The following STX7 variants were observed in gnomAD, a reference collection of about 807,000 sequenced individuals.
STX7 encodes syntaxin-7.
Under a neutral mutation model 39.6 loss-of-function variants are expected in STX7, and 34 were observed. The ratio of observed to expected loss-of-function variants is 0.86; its 90% CI spans 0.65 to 1.14. STX7 has a LOEUF of 1.14. Ranked by LOEUF, STX7 falls within the 50% of genes most tolerant of loss-of-function variation. The probability of loss-of-function intolerance (pLI) is 0.00; values close to 1 mark genes in which losing one functional copy is unlikely to be tolerated. For synonymous variants in STX7, 119 were observed against 99.1 expected, an observed-to-expected ratio of 1.20 and a Z score of -1.19; for missense variants, 284 against 310.4, an observed-to-expected ratio of 0.92 and a Z score of 0.64.
rs536968798 is a variant in STX7, at chr6:132,496,310, A to T, written c.85+7136T>A. Reference sequence around the variant, plus strand: ...CGAGAATTCACATTAGCACTAGTGGAAAGGCTTACTATGTTATTTAGGAGT... The same window carrying T: ...CGAGAATTCACATTAGCACTAGTGGTAAGGCTTACTATGTTATTTAGGAGT... On this transcript the variant is annotated intron_variant, in intron 2 of 9. Coordinates refer to ENST00000367941, the MANE Select transcript of STX7 (RefSeq NM_003569.3). Among the ~76,000 whole-genome samples the T allele has an allele frequency of 5.9e-5, 9 of 152,294 alleles. 1 individual carries two copies. In the South Asian group the frequency reaches 1.9e-3, roughly 32 times the overall value.
At chr6:132,461,659 T>G in intron 9 of STX7, 1 of 640,728 alleles carries the variant, frequency 1.6e-6, no homozygotes, top group Non-Finnish European at 2.6e-6. Flanking sequence ...GGAATGAGTT[T>G]CCAAAATCAT....
At position 132,460,888 on chromosome 6, in the gene STX7, GT is replaced by G. The variant is rs750112010; in HGVS notation, c.694-39del. 9.5e-6 allele frequency: 15 copies of G among 1,575,150 alleles called. No individual in the cohort carries two copies. In the South Asian group the frequency reaches 1.6e-4, roughly 16 times the overall value. ...AAAACAAAACAAAACAAAAAAACATGTTTACAGATTTAGTGGAGTACCTCTA... is the reference window on the plus strand; with the variant it reads ...AAAACAAAACAAAACAAAAAAACATGTTACAGATTTAGTGGAGTACCTCTA... On this transcript the variant is annotated intron_variant, in intron 9 of 9. Transcript: ENST00000367941.
rs1318610420 is a variant in STX7 at position 132,447,505 on chromosome 6, T to C, written c.*13253A>G. 6.6e-6 allele frequency: 1 copy of C among 152,190 alleles called. No homozygotes were observed. The highest frequency in any genetic ancestry group is 1.5e-5 in the Non-Finnish European group (1 of 68,030). The allele number at this position is 152,190 out of a possible 1,614,324, so 9.4% of individuals were successfully genotyped here. On this transcript the variant is annotated 3_prime_UTR_variant, in exon 10 of 10. Transcript: ENST00000367941. ...TTGGTTACCATGTTGTTCTATTTAC[T>C]TTTTTGCTGCTCGAGCTAAAAATTG...
chr6:132,475,118 T>C (rs2114390202), intron 3 of STX7, among the ~76,000 whole-genome samples: 1 of 151,676 alleles, frequency 6.6e-6, no homozygotes, highest in East Asian at 2.0e-4. Context: ...GGTAAGCCTA[T>C]CAAGGAATTT....
rs1479278044 is a variant in STX7, at chr6:132,449,925, C to T, written c.*10833G>A. 2.0e-5 allele frequency: 3 copies of T among 152,138 alleles called. No individual in the cohort carries two copies. The East Asian group carries it at 5.8e-4, about 29-fold the overall frequency. 9.4% of individuals were successfully genotyped at this position (152,138 alleles called of 1,614,324 possible). A position where few individuals can be genotyped will look rare whatever the true frequency, so the allele number is the denominator to read the frequency against. ...AGAAGCATTAATTAGGGAGGCTTTC[C>T]TTCGGAGGGGATTTTCATCCACTTC... On this transcript the variant is annotated 3_prime_UTR_variant, in exon 10 of 10. Transcript: ENST00000367941.
At chr6:132,473,142 G>C (rs981790133) in intron 3 of STX7, among the ~76,000 whole-genome samples, 5 of 152,148 alleles carry the variant, frequency 3.3e-5, no homozygotes, top group Non-Finnish European at 4.4e-5. Flanking sequence ...CTGAGCAACA[G>C]AGGAAAACTC....
chr6:132,492,995 T>G (rs1775333295), intron 2 of STX7, among the ~76,000 whole-genome samples: 1 of 152,170 alleles, frequency 6.6e-6, no homozygotes, highest in Admixed American at 6.5e-5. Context: ...TGGATATCTG[T>G]TGAAGGTTTC....
At chr6:132,512,844 G>A (rs538014944) in intron 1 of STX7, among the ~76,000 whole-genome samples, 163 bp downstream of exon 1, 2 of 152,146 alleles carry the variant, frequency 1.3e-5, no homozygotes, top group Non-Finnish European at 2.9e-5. Context: ...GGCGCTCCGG[G>A]AGCTGGGGCA....
At chr6:132,477,099 C>G (rs1418119981) in intron 2 of STX7, among the ~76,000 whole-genome samples, 1 of 152,062 alleles carries the variant, frequency 6.6e-6, no homozygotes, top group East Asian at 1.9e-4. Flanking sequence ...AGCTGAAAAA[C>G]AGAAACACTA....
intron 2 of STX7, among the ~76,000 whole-genome samples, chr6:132,484,017 C>T (rs1775071267): frequency 6.6e-6 from 1 of 151,780 alleles, no homozygotes; most frequent in South Asian, 2.1e-4. Context: ...CGCAGTCTTT[C>T]CAACCATAAA....
intron 2 of STX7, among the ~76,000 whole-genome samples, chr6:132,497,945 G>C (rs1775456188): frequency 6.6e-6 from 1 of 152,210 alleles, no homozygotes; most frequent in Admixed American, 6.5e-5. Context: ...TTCTAGACCT[G>C]TGATAACAAA....
At chr6:132,481,656 A>C (rs773244661) in intron 2 of STX7, among the ~76,000 whole-genome samples, 61 of 152,278 alleles carry the variant, frequency 4.0e-4, no homozygotes, top group Admixed American at 2.6e-3. Context: ...GAATGCATTT[A>C]ACTAATGAGA....
At position 132,454,713 on chromosome 6, in the gene STX7, A is replaced by AT. The variant is rs1451288046; in HGVS notation, c.*6044dup. On this transcript the variant is annotated 3_prime_UTR_variant, in exon 10 of 10. Transcript: ENST00000367941. ...GTTTGACCACAGATCAGGAAAAGAC[A>AT]TAAGGACAATAGGGTAGCCCTAATT... The AT allele has an allele frequency of 1.3e-5, 2 of 152,210 alleles. No homozygotes were observed. Among genetic ancestry groups the AT allele is most frequent in the Non-Finnish European group, 2.9e-5 (2 of 68,022 alleles). 9.4% of individuals were successfully genotyped at this position (152,210 alleles called of 1,614,324 possible).
At chr6:132,472,616 G>A (rs968011862) in intron 3 of STX7, among the ~76,000 whole-genome samples, 1 of 152,070 alleles carries the variant, frequency 6.6e-6, no homozygotes, top group South Asian at 2.1e-4. Context: ...TCAATTCAAC[G>A]GCCATTTAGA....
chr6:132,494,589 A>G (rs184638832), intron 2 of STX7, among the ~76,000 whole-genome samples: 3 of 152,132 alleles, frequency 2.0e-5, no homozygotes, highest in African/African-American at 7.2e-5. Context: ...GCAGAAGAGG[A>G]GCAAGTGCAA....
At chr6:132,500,907 T>G (rs759576988) in intron 2 of STX7, among the ~76,000 whole-genome samples, 3 of 152,194 alleles carry the variant, frequency 2.0e-5, no homozygotes, top group Non-Finnish European at 2.9e-5. Flanking sequence ...AAGCCCTTCC[T>G]CCTTCTCAAG....
intron 2 of STX7, among the ~76,000 whole-genome samples, chr6:132,491,994 T>C (rs539286271): frequency 6.6e-5 from 10 of 152,324 alleles, no homozygotes; most frequent in African/African-American, 1.9e-4. Context: ...AAAATTCTGG[T>C]TGAGTCCAAC....
intron 2 of STX7, among the ~76,000 whole-genome samples, chr6:132,490,776 G>A (rs746282074): frequency 1.3e-5 from 2 of 152,080 alleles, no homozygotes; most frequent in Non-Finnish European, 2.9e-5. Context: ...AAGGAGACAC[G>A]GAACAGATTC....
chr6:132,464,568 C>T (rs1423425034), intron 8 of STX7, among the ~76,000 whole-genome samples: 12 of 152,126 alleles, frequency 7.9e-5, no homozygotes, highest in Admixed American at 7.9e-4. Flanking sequence ...CAGAAAAACC[C>T]AAATGCTAAA....
Sources: allele counts gnomAD v4.1 joint callset (sites outside exome capture counted in the v4.1 genomes callset), GRCh38; gene constraint gnomAD v4.1.1; transcripts MANE v1.5; gene names NCBI Gene and HGNC (gene_info 2026-07-23, HGNC 2026-07-21).